The following SLC35D4 variants were observed in gnomAD, a reference collection of about 807,000 sequenced individuals.
SLC35D4 encodes solute carrier family 35 member D4.
the SLC35D4 span, among the ~76,000 whole-genome samples, chr18:23,353,076 AGTGTGTGTGTGTGTGT>A: frequency 1.7e-3 from 214 of 126,602 alleles, 2 homozygotes; most frequent in Middle Eastern, 3.9e-3. Flanking sequence ...TGAGACAGAC[AGTGTGTGTGTGTGTGT>A]GTGTGTGTGT....
chr18:23,431,153 C>CAAA, the SLC35D4 span, among the ~76,000 whole-genome samples: 3 of 66,238 alleles, frequency 4.5e-5, no homozygotes, highest in African/African-American at 1.9e-4. Flanking sequence ...GAGTATATCT[C>CAAA]AAAAAAAAAA....
the SLC35D4 span, among the ~76,000 whole-genome samples, chr18:23,344,755 C>T: frequency 6.6e-6 from 1 of 151,966 alleles, no homozygotes; most frequent in Non-Finnish European, 1.5e-5. Context: ...GTGCCCGCCA[C>T]CACGCCTGGC....
the SLC35D4 span, among the ~76,000 whole-genome samples, chr18:23,420,952 C>T: frequency 6.6e-6 from 1 of 151,982 alleles, no homozygotes; most frequent in Non-Finnish European, 1.5e-5. Flanking sequence ...ATCAAACAAA[C>T]CTCTGTTTTG....
At chr18:23,387,045 G>A in the SLC35D4 span, among the ~76,000 whole-genome samples, 2 of 152,312 alleles carry the variant, frequency 1.3e-5, no homozygotes, top group African/African-American at 4.8e-5. Flanking sequence ...AAGTAGCTGG[G>A]ACTATAGGCA....
At chr18:23,300,426 T>C in the SLC35D4 span, among the ~76,000 whole-genome samples, 1 of 152,138 alleles carries the variant, frequency 6.6e-6, no homozygotes, top group South Asian at 2.1e-4. Flanking sequence ...TAATCCTCCT[T>C]AATCACCAGG....
chr18:23,266,714 G>C, the SLC35D4 span, among the ~76,000 whole-genome samples: 3 of 152,210 alleles, frequency 2.0e-5, no homozygotes, highest in Non-Finnish European at 4.4e-5. Flanking sequence ...CAGCTCAATG[G>C]GGTGATTATG....
At chr18:23,254,049 C>A in the SLC35D4 span, 1 of 834,674 alleles carries the variant, frequency 1.2e-6, no homozygotes, top group Non-Finnish European at 2.0e-6. Flanking sequence ...CCTTAGTCAG[C>A]AATTGAGGTG....
At chr18:23,241,691 G>A in the SLC35D4 span, among the ~76,000 whole-genome samples, 1 of 152,172 alleles carries the variant, frequency 6.6e-6, no homozygotes, top group Admixed American at 6.5e-5. Context: ...ATACCTAGGA[G>A]TGGGACTTCT....
the SLC35D4 span, among the ~76,000 whole-genome samples, chr18:23,378,993 G>A: frequency 4.6e-5 from 7 of 152,216 alleles, no homozygotes; most frequent in Non-Finnish European, 1.0e-4. Flanking sequence ...AGCACAGGAC[G>A]CGAGGCCAAC....
At chr18:23,395,351 A>AT in the SLC35D4 span, among the ~76,000 whole-genome samples, 1 of 152,192 alleles carries the variant, frequency 6.6e-6, no homozygotes, top group South Asian at 2.1e-4. Context: ...AATGATCCAT[A>AT]TGTGTTTCCT....
chr18:23,252,949 G>A, the SLC35D4 span: 2 of 1,574,368 alleles, frequency 1.3e-6, no homozygotes, highest in Middle Eastern at 1.7e-4. Context: ...GTGTTCCCCT[G>A]TCTGTTACAG....
the SLC35D4 span, chr18:23,437,661 T>A: frequency 1.3e-5 from 14 of 1,078,434 alleles, no homozygotes; most frequent in Non-Finnish European, 1.8e-5. Flanking sequence ...TCGCTCTCCA[T>A]CTCCATCGCC....
the SLC35D4 span, among the ~76,000 whole-genome samples, chr18:23,381,953 A>G: frequency 1.3e-5 from 2 of 152,184 alleles, no homozygotes; most frequent in Non-Finnish European, 2.9e-5. Flanking sequence ...ATAAGAAAGT[A>G]TCCCAGCCAG....
At chr18:23,367,725 A>C in the SLC35D4 span, among the ~76,000 whole-genome samples, 4 of 151,406 alleles carry the variant, frequency 2.6e-5, no homozygotes, top group South Asian at 8.3e-4. Context: ...TGGTGGGACT[A>C]TGTTTGAAGA....
At chr18:23,303,355 C>T in the SLC35D4 span, among the ~76,000 whole-genome samples, 3 of 152,190 alleles carry the variant, frequency 2.0e-5, no homozygotes, top group Non-Finnish European at 4.4e-5. Flanking sequence ...CCTTAATTTG[C>T]GAACACACAG....
the SLC35D4 span, among the ~76,000 whole-genome samples, chr18:23,267,864 T>A: frequency 1.3e-5 from 2 of 152,210 alleles, no homozygotes; most frequent in Non-Finnish European, 2.9e-5. Context: ...CCATGTGCAC[T>A]GAACAGAGTC....
At chr18:23,373,891 C>T in the SLC35D4 span, 1 of 898,720 alleles carries the variant, frequency 1.1e-6, no homozygotes, top group East Asian at 2.8e-5. Flanking sequence ...CAACTTGGTT[C>T]CTCTGTCCTT....
the SLC35D4 span, among the ~76,000 whole-genome samples, chr18:23,303,669 G>A: frequency 6.6e-6 from 1 of 152,266 alleles, no homozygotes; most frequent in African/African-American, 2.4e-5. Flanking sequence ...GGGAGGCTGA[G>A]GTGGGCGGAT....
At chr18:23,428,480 A>C in the SLC35D4 span, among the ~76,000 whole-genome samples, 15 of 152,188 alleles carry the variant, frequency 9.9e-5, no homozygotes, top group African/African-American at 3.6e-4. Context: ...ATATTCAAGG[A>C]GAATACTAAA....
Sources: allele counts gnomAD v4.1 joint callset (sites outside exome capture counted in the v4.1 genomes callset), GRCh38; gene constraint gnomAD v4.1.1; transcripts MANE v1.5; gene names NCBI Gene and HGNC (gene_info 2026-07-23, HGNC 2026-07-21).